The following EML6 variants were observed in gnomAD, a reference collection of about 807,000 sequenced individuals.
The protein encoded by EML6 is echinoderm microtubule-associated protein-like 6.
Under a neutral mutation model 240.1 loss-of-function variants are expected in EML6, and 154 were observed. The ratio of observed to expected loss-of-function variants is 0.64; its 90% CI spans 0.56 to 0.73. The LOEUF is 0.73. Ranked by LOEUF, EML6 falls within the 30% of genes least tolerant of loss-of-function variation. EML6 has a pLI of 0.00. For missense variants in EML6, 2,964 were observed against 2,474.6 expected (o/e 1.20, Z -4.20); for synonymous variants, 1,148 against 899.0 (o/e 1.28, Z -4.95).
chr2:54,898,090 A>G (rs1245669167), intron 21 of EML6, among the ~76,000 whole-genome samples: 1 of 151,908 alleles, frequency 6.6e-6, no homozygotes, highest in Admixed American at 6.6e-5. Context: ...GGGTTGTGGC[A>G]TTTCCCGTCA....
chr2:54,789,081 C>G (rs1007293052), intron 2 of EML6, among the ~76,000 whole-genome samples: 1 of 152,158 alleles, frequency 6.6e-6, no homozygotes, highest in Non-Finnish European at 1.5e-5. Flanking sequence ...TTCATGTGTT[C>G]TGTCTCTGCT....
At chr2:54,753,567 A>G (rs748252549) in intron 2 of EML6, among the ~76,000 whole-genome samples, 4 of 152,046 alleles carry the variant, frequency 2.6e-5, no homozygotes, top group Non-Finnish European at 5.9e-5. Context: ...GGGACCTGCT[A>G]GCCAAGAAAT....
chr2:54,858,404 G>A (rs1670500616), intron 11 of EML6, among the ~76,000 whole-genome samples: 1 of 152,234 alleles, frequency 6.6e-6, no homozygotes, highest in African/African-American at 2.4e-5. Flanking sequence ...TGTGAGGAAG[G>A]TATAAAGGTC....
At chr2:54,752,871 C>T (rs1380707559) in intron 2 of EML6, among the ~76,000 whole-genome samples, 1 of 152,210 alleles carries the variant, frequency 6.6e-6, no homozygotes, top group Non-Finnish European at 1.5e-5. Flanking sequence ...TTACTGCAAC[C>T]TCTGCCTCCC....
chr2:54,949,455 A>AG (rs1254579800), intron 29 of EML6, among the ~76,000 whole-genome samples: 1 of 152,140 alleles, frequency 6.6e-6, no homozygotes, highest in African/African-American at 2.4e-5. Context: ...GCTGTGGCTG[A>AG]GGGGAGTTGA....
rs914500957 is a variant in EML6, at chr2:54,928,494, C to A, written c.3857C>A (p.Thr1286Asn). Residue 1286 changes from threonine to asparagine, a missense_variant, in exon 27 of 42, where the codon ACC becomes AAC. Thr to Asn is a moderately conservative substitution (Grantham distance 65, BLOSUM62 0). Coordinates refer to ENST00000356458, the MANE Select transcript of EML6 (RefSeq NM_001039753.4). The part of the protein sequence containing the change: ...SKLVDSEESD[T>N]DVEEDGGYDS... ...CTGGTGGACAGCGAGGAGTCAGACA[C>A]CGACGTGGAAGAGGATGGAGGTGAG... 9 of 1,546,060 alleles carry A rather than the reference C, an allele frequency of 5.8e-6. No homozygotes were observed. Among genetic ancestry groups the A allele is most frequent in the Non-Finnish European group, 7.0e-6 (8 of 1,143,410 alleles).
rs557508870 is a variant in EML6 at position 54,769,758 on chromosome 2, C to G, written c.198-43474C>G. Among the ~76,000 whole-genome samples the G allele has an allele frequency of 1.6e-4, 25 of 152,260 alleles. No homozygotes were observed. The South Asian group carries it at 5.2e-3, about 32-fold the overall frequency. On this transcript the variant is annotated intron_variant, in intron 2 of 41. Coordinates refer to ENST00000356458, the MANE Select transcript of EML6 (RefSeq NM_001039753.4). Reference sequence around the variant, plus strand: ...GATTAGAACATTTCACATAAGATCTCTTTGTGAACTTTTAAGTGTGTGATA... The same window carrying G: ...GATTAGAACATTTCACATAAGATCTGTTTGTGAACTTTTAAGTGTGTGATA...
At chr2:54,895,151 C>T (rs1164585788) in intron 20 of EML6, 122 bp from the exon 21 acceptor site, 3 of 1,332,138 alleles carry the variant, frequency 2.3e-6, no homozygotes, top group Admixed American at 2.1e-5. Context: ...AACTCTCTTC[C>T]TCTGGTAGAA....
intron 8 of EML6, 132 bp downstream of exon 8, chr2:54,844,380 C>A: frequency 1.4e-6 from 1 of 699,904 alleles, no homozygotes; most frequent in Non-Finnish European, 2.4e-6. Context: ...AGACATTTAG[C>A]TCATCAAGTG....
chr2:54,923,019 G>T (rs555617640), intron 26 of EML6, among the ~76,000 whole-genome samples: 1 of 135,402 alleles, frequency 7.4e-6, no homozygotes. Context: ...TGGGCTCACC[G>T]CAACCTCTGC....
intron 2 of EML6, among the ~76,000 whole-genome samples, chr2:54,801,110 G>A (rs945819580): frequency 6.6e-6 from 1 of 152,022 alleles, no homozygotes. Context: ...CATGAGGTCA[G>A]GAGATTGAGA....
chr2:54,943,876 T>C (rs890917465), intron 28 of EML6, among the ~76,000 whole-genome samples: 7 of 152,244 alleles, frequency 4.6e-5, no homozygotes, highest in African/African-American at 7.2e-5. Flanking sequence ...TTTATAGTTA[T>C]AGCACAATTC....
At chr2:54,779,160 G>A (rs1011983742) in intron 2 of EML6, among the ~76,000 whole-genome samples, 2 of 152,176 alleles carry the variant, frequency 1.3e-5, no homozygotes, top group Non-Finnish European at 2.9e-5. Context: ...GTCAGTGGTA[G>A]AACTAGGGAA....
chr2:54,924,937 T>C (rs557259226), intron 26 of EML6, among the ~76,000 whole-genome samples: 2 of 152,290 alleles, frequency 1.3e-5, no homozygotes, highest in African/African-American at 4.8e-5. Flanking sequence ...CCAATGAATA[T>C]TTCCAGCTGT....
intron 15 of EML6, among the ~76,000 whole-genome samples, chr2:54,869,670 C>G (rs998676866): frequency 1.3e-5 from 2 of 151,932 alleles, no homozygotes; most frequent in African/African-American, 4.8e-5. Flanking sequence ...CGCTGTATGC[C>G]CAGGATTTAG....
chr2:54,760,723 G>C (rs1278769085), intron 2 of EML6, among the ~76,000 whole-genome samples: 1 of 151,888 alleles, frequency 6.6e-6, no homozygotes, highest in Non-Finnish European at 1.5e-5. Context: ...AACCTTGACA[G>C]AGAATCACTG....
At chr2:54,802,228 C>A (rs551086493) in intron 2 of EML6, among the ~76,000 whole-genome samples, 1 of 152,200 alleles carries the variant, frequency 6.6e-6, no homozygotes, top group Non-Finnish European at 1.5e-5. Context: ...AGAATGCCCC[C>A]GATACAAGCA....
At chr2:54,732,201 G>A (rs892164440) in intron 2 of EML6, among the ~76,000 whole-genome samples, 1 of 151,472 alleles carries the variant, frequency 6.6e-6, no homozygotes, top group Non-Finnish European at 1.5e-5. Context: ...TTCTGGGTAT[G>A]AGTCCCTTAT....
intron 34 of EML6, 64 bp from the exon 35 acceptor site, chr2:54,960,156 C>T: frequency 8.4e-7 from 1 of 1,186,900 alleles, no homozygotes; most frequent in Non-Finnish European, 1.2e-6. Flanking sequence ...GGGGAGAGGG[C>T]CGGAGGGGGT....
Sources: allele counts gnomAD v4.1 joint callset (sites outside exome capture counted in the v4.1 genomes callset), GRCh38; gene constraint gnomAD v4.1.1; transcripts MANE v1.5; gene names NCBI Gene and HGNC (gene_info 2026-07-23, HGNC 2026-07-21).